Variants in MYO10 observed in about 807,000 individuals in gnomAD.
The protein encoded by MYO10 is myosin X.
In MYO10, 133 loss-of-function variants were observed where a neutral mutation model predicts 257.3. That is an observed-to-expected ratio of 0.52 (90% CI 0.45 to 0.60). The LOEUF (loss-of-function observed/expected upper bound fraction) is 0.60, where lower values mean the gene tolerates loss of function less well. MYO10 is among the 20% of genes least tolerant of loss of function. MYO10 has a pLI of 0.00. For synonymous variants in MYO10, 1,104 were observed against 1,028.6 expected (o/e 1.07, Z -1.40); for missense variants, 2,399 against 2,635.7 (o/e 0.91, Z 1.97).
chr5:16,765,274 A>AT (rs1740829936), intron 11 of MYO10, among the ~76,000 whole-genome samples: 1 of 152,134 alleles, frequency 6.6e-6, no homozygotes, highest in African/African-American at 2.4e-5. Context: ...GTGAAAATAA[A>AT]GCAGGCAGAA....
At chr5:16,730,072 G>A (rs1009531640) in intron 19 of MYO10, among the ~76,000 whole-genome samples, 3 of 152,150 alleles carry the variant, frequency 2.0e-5, no homozygotes, top group African/African-American at 2.4e-5. Flanking sequence ...TTTACTCAGA[G>A]ATGTATCACA....
At chr5:16,878,409 A>G (rs567173861) in intron 1 of MYO10, among the ~76,000 whole-genome samples, 2 of 152,338 alleles carry the variant, frequency 1.3e-5, no homozygotes, top group South Asian at 4.1e-4. Context: ...TTGTATCTTA[A>G]AAGATGGCAA....
chr5:16,736,138 C>A (rs1417854267), intron 19 of MYO10, among the ~76,000 whole-genome samples: 6 of 152,200 alleles, frequency 3.9e-5, no homozygotes, highest in Admixed American at 3.3e-4. Flanking sequence ...ATATTCCCAA[C>A]CTGCCTTCTC....
At chr5:16,766,298 G>T in intron 10 of MYO10, 100 bp from the exon 11 acceptor site, 1 of 840,044 alleles carries the variant, frequency 1.2e-6, no homozygotes, top group Non-Finnish European at 2.0e-6. Flanking sequence ...AATCCCTCAC[G>T]CAGAGTTTAG....
At chr5:16,821,093 T>TGTA (rs1561002164) in intron 2 of MYO10, among the ~76,000 whole-genome samples, 2 of 147,408 alleles carry the variant, frequency 1.4e-5, no homozygotes, top group African/African-American at 4.9e-5. Flanking sequence ...ATACATATAA[T>TGTA]GTATAATATA....
chr5:16,831,978 T>G (rs1743176256), intron 2 of MYO10, among the ~76,000 whole-genome samples: 2 of 152,208 alleles, frequency 1.3e-5, no homozygotes, highest in African/African-American at 2.4e-5. Flanking sequence ...GGTCTCACTT[T>G]GTCACCCAGC....
rs563388298 is a variant in MYO10 at position 16,749,201 on chromosome 5, C to T, written c.1929+5627G>A. Among the ~76,000 whole-genome samples the T allele has an allele frequency of 1.6e-4, 25 of 152,218 alleles. 1 individual carries two copies. The Middle Eastern group carries it at 0.027, about 166-fold the overall frequency. ...CAGGCATCTTTCCCTTCTTCCCTTCCGTAAACCTTACTCCATGCTGCACGC... is the reference window on the plus strand; with the variant it reads ...CAGGCATCTTTCCCTTCTTCCCTTCTGTAAACCTTACTCCATGCTGCACGC... On this transcript the variant is annotated intron_variant, in intron 19 of 40. Coordinates refer to ENST00000513610, the MANE Select transcript of MYO10 (RefSeq NM_012334.3).
intron 9 of MYO10, among the ~76,000 whole-genome samples, chr5:16,770,689 C>T (rs1337173993): frequency 2.6e-5 from 4 of 152,220 alleles, no homozygotes; most frequent in Admixed American, 1.3e-4. Flanking sequence ...AAGGAAACCA[C>T]GCACCGCTCT....
At chr5:16,930,997 C>T (rs1357928743) in intron 1 of MYO10, among the ~76,000 whole-genome samples, 1 of 152,178 alleles carries the variant, frequency 6.6e-6, no homozygotes, top group Non-Finnish European at 1.5e-5. Context: ...CCCGGCTGGG[C>T]ATGGTGGCTC....
At chr5:16,678,930 C>G (rs73047163) in intron 33 of MYO10, among the ~76,000 whole-genome samples, 160 of 152,320 alleles carry the variant, frequency 1.1e-3, no homozygotes, top group African/African-American at 3.7e-3. Flanking sequence ...GACTGACCGG[C>G]TACGTGGGCA....
At chr5:16,763,330 C>A (rs1307960889) in intron 14 of MYO10, 151 bp downstream of exon 14, 2 of 667,192 alleles carry the variant, frequency 3.0e-6, no homozygotes, top group Middle Eastern at 2.6e-4. Flanking sequence ...CAACCTTGCA[C>A]ATTTACATTT....
intron 2 of MYO10, among the ~76,000 whole-genome samples, chr5:16,819,287 AG>A (rs1409550320): frequency 7.2e-5 from 11 of 152,302 alleles, no homozygotes; most frequent in Non-Finnish European, 1.6e-4. Context: ...CATGTACATA[AG>A]GTGACTCTGG....
intron 4 of MYO10, among the ~76,000 whole-genome samples, chr5:16,785,131 G>A (rs543383231): frequency 3.9e-5 from 6 of 152,318 alleles, no homozygotes; most frequent in African/African-American, 7.2e-5. Context: ...CAGCCGGGGC[G>A]GGGGCTGAAT....
At chr5:16,681,832 G>A (rs766025644) in intron 31 of MYO10, 39 bp downstream of exon 31, 5 of 1,592,682 alleles carry the variant, frequency 3.1e-6, no homozygotes, top group Non-Finnish European at 4.3e-6. Flanking sequence ...GGAAAGGGGA[G>A]TCTGTTAAGC....
At chr5:16,857,049 T>C (rs1580080295) in intron 2 of MYO10, among the ~76,000 whole-genome samples, 1 of 152,374 alleles carries the variant, frequency 6.6e-6, no homozygotes. Context: ...AGGCATTATA[T>C]GTGTCAATTA....
intron 19 of MYO10, among the ~76,000 whole-genome samples, chr5:16,751,030 T>C (rs961432050): frequency 3.3e-5 from 5 of 151,958 alleles, no homozygotes; most frequent in Admixed American, 6.6e-5. Flanking sequence ...AACTTCTATA[T>C]TTTCTAAAAC....
chr5:16,712,100 G>T (rs1414886516), intron 19 of MYO10, among the ~76,000 whole-genome samples: 1 of 148,722 alleles, frequency 6.7e-6, no homozygotes, highest in Non-Finnish European at 1.5e-5. Context: ...CCACACTGTG[G>T]CAGGTGAGGT....
intron 2 of MYO10, among the ~76,000 whole-genome samples, chr5:16,859,001 T>G (rs1483500195): frequency 1.3e-5 from 2 of 151,948 alleles, no homozygotes; most frequent in Non-Finnish European, 2.9e-5. Flanking sequence ...TGGCATAAGC[T>G]CTGGTCTCTC....
intron 1 of MYO10, among the ~76,000 whole-genome samples, chr5:16,919,319 AG>A (rs1745915647): frequency 6.6e-6 from 1 of 152,148 alleles, no homozygotes; most frequent in East Asian, 1.9e-4. Flanking sequence ...CGGAGGTTGC[AG>A]TGAGCAGAGA....
Sources: gnomAD v4.1 joint callset for allele counts (sites outside exome capture counted in the v4.1 genomes callset) on GRCh38, gnomAD v4.1.1 for gene constraint, MANE v1.5 for transcripts, NCBI Gene and HGNC (gene_info 2026-07-23, HGNC 2026-07-21) for gene names.